SNED1: variants seen among roughly 807,000 people sequenced by gnomAD.
SNED1 encodes sushi, nidogen and EGF like domains 1, also known as sushi, nidogen and EGF-like domain-containing protein 1.
SNED1 carries 81 observed loss-of-function variants against 166.7 expected under a neutral mutation model. That is an observed-to-expected ratio of 0.49 (90% CI 0.41 to 0.58). The LOEUF (loss-of-function observed/expected upper bound fraction) is 0.58, where lower values mean the gene tolerates loss of function less well. Ranked by LOEUF, SNED1 falls within the 20% of genes least tolerant of loss-of-function variation. The pLI is 0.00. For missense variants in SNED1, 1,604 were observed against 2,000.2 expected (o/e 0.80, Z 3.78); for synonymous variants, 762 against 822.0 (o/e 0.93, Z 1.25).
chr2:241,037,712 C>T (rs932256794), intron 6 of SNED1, among the ~76,000 whole-genome samples: 1 of 152,230 alleles, frequency 6.6e-6, no homozygotes, highest in African/African-American at 2.4e-5. Flanking sequence ...CCGTCAGACC[C>T]CCTCTCAGCC....
chr2:241,049,707 T>A, intron 11 of SNED1, 110 bp from the exon 12 acceptor site: 1 of 757,156 alleles, frequency 1.3e-6, no homozygotes, highest in Non-Finnish European at 2.3e-6. Context: ...TGGCCTTGGT[T>A]CCAGACAGGA....
intron 8 of SNED1, among the ~76,000 whole-genome samples, chr2:241,042,942 G>A (rs1273095481): frequency 3.3e-5 from 5 of 151,946 alleles, no homozygotes; most frequent in African/African-American, 4.8e-5. Context: ...AGCAGCCTGG[G>A]ATCCACGTAT....
chr2:241,011,262 G>T (rs866661584), intron 1 of SNED1, among the ~76,000 whole-genome samples: 5 of 146,722 alleles, frequency 3.4e-5, no homozygotes, highest in Non-Finnish European at 6.0e-5. Context: ...TCCTGGGGGT[G>T]GCAGGTCTCC....
chr2:241,031,041 C>T (rs1277553485), intron 2 of SNED1, among the ~76,000 whole-genome samples: 1 of 152,228 alleles, frequency 6.6e-6, no homozygotes, highest in African/African-American at 2.4e-5. Flanking sequence ...TACTCAGCAC[C>T]TACTGTGGCC....
chr2:241,062,796 G>A lies in SNED1; in HGVS notation c.2263G>A (p.Asp755Asn), dbSNP rs1406798929. Residue 755 changes from aspartate (D) to asparagine (N), a missense_variant, in exon 17 of 32, where the codon GAT becomes AAT. Physicochemically the swap from Asp to Asn is conservative, Grantham distance 23. Around this residue, in one of 2 missense-constraint regions of SNED1, gnomAD observed 1,237 missense variants for 1,620.8 expected, o/e 0.76. Coordinates refer to ENST00000310397, the MANE Select transcript of SNED1 (RefSeq NM_001080437.3). Reference sequence around the variant, plus strand: ...CTTGGGCTCTCTCCTCTCAGAAATCGATGAGTGCCGGTCTCAGCCGTGCCT... The same window carrying A: ...CTTGGGCTCTCTCCTCTCAGAAATCAATGAGTGCCGGTCTCAGCCGTGCCT... Reference protein sequence around the residue: ...WSEPPQCLEIDECRSQPCLHG... With the variant: ...WSEPPQCLEINECRSQPCLHG... 1.2e-6 allele frequency: 2 copies of A among 1,607,930 alleles called. No homozygotes were observed. Among genetic ancestry groups the A allele is most frequent in the Non-Finnish European group, 1.7e-6 (2 of 1,176,860 alleles).
intron 1 of SNED1, among the ~76,000 whole-genome samples, chr2:241,021,782 T>G (rs1187972134): frequency 6.6e-6 from 1 of 152,238 alleles, no homozygotes; most frequent in African/African-American, 2.4e-5. Context: ...CTTGAGTATA[T>G]ATGGTAGTAT....
intron 1 of SNED1, among the ~76,000 whole-genome samples, chr2:241,028,668 C>G (rs2061060823): frequency 6.6e-6 from 1 of 152,216 alleles, no homozygotes; most frequent in Non-Finnish European, 1.5e-5. Context: ...GCCAGTACCA[C>G]ACTGATTACT....
intron 1 of SNED1, among the ~76,000 whole-genome samples, chr2:241,007,410 C>G (rs1191909555): frequency 1.3e-5 from 2 of 152,218 alleles, no homozygotes; most frequent in Non-Finnish European, 2.9e-5. Flanking sequence ...CTTGATTGCA[C>G]CCTTGCTCTG....
In SNED1 at chr2:241,048,308, C is replaced by G; in HGVS notation, c.1274-7C>G. The G allele has an allele frequency of 6.3e-7, 1 of 1,592,526 alleles. No individual in the cohort carries two copies. The highest frequency in any genetic ancestry group is 8.5e-7 in the Non-Finnish European group (1 of 1,171,824). Reference sequence around the variant, plus strand: ...GTGGCCGCTGGTGACTGCCGTCTTTCTTGCAGGAGACCATCCAGTGCCAGA... The same window carrying G: ...GTGGCCGCTGGTGACTGCCGTCTTTGTTGCAGGAGACCATCCAGTGCCAGA... On this transcript the variant is annotated splice_region_variant and splice_polypyrimidine_tract_variant and intron_variant, in intron 8 of 31. Transcript: ENST00000310397.
chr2:241,012,825 C>CTT (rs59199140), intron 1 of SNED1, among the ~76,000 whole-genome samples: 4 of 134,876 alleles, frequency 3.0e-5, no homozygotes, highest in Admixed American at 7.2e-5. Context: ...TTTTTTTTTT[C>CTT]TTTTTTTTTT....
chr2:241,016,284 A>G (rs4530362), intron 1 of SNED1, among the ~76,000 whole-genome samples: 2 of 145,380 alleles, frequency 1.4e-5, no homozygotes, highest in African/African-American at 5.2e-5. Flanking sequence ...AAGCTCCACC[A>G]CCCGGGGTTC....
At position 241,018,309 on chromosome 2, in the gene SNED1, A is replaced by G. The variant is rs900803127; in HGVS notation, c.214-11975A>G. Among the ~76,000 whole-genome samples, 1 of 152,224 alleles carries G rather than the reference A, an allele frequency of 6.6e-6. No homozygotes were observed. The highest frequency in any genetic ancestry group is 6.5e-5 in the Admixed American group (1 of 15,284). On this transcript the variant is annotated intron_variant, in intron 1 of 31. Transcript: ENST00000310397. This position sits in a 1 kb window ranked among gnomAD's most constrained non-coding sequence, Gnocchi z 5.4. Reference sequence around the variant, plus strand: ...AGGTTGTGCCCACACATGCACTTACATGGGGGCACGTTTGGGTGCAGATAC... The same window carrying G: ...AGGTTGTGCCCACACATGCACTTACGTGGGGGCACGTTTGGGTGCAGATAC...
At chr2:241,033,555 G>C (rs981622129) in intron 2 of SNED1, 180 bp from the exon 3 acceptor site, 2 of 637,576 alleles carry the variant, frequency 3.1e-6, no homozygotes, top group South Asian at 2.1e-5. Flanking sequence ...GGCGCTGGGA[G>C]ACAGCAGAGG....
chr2:241,033,824 A>G lies in SNED1; in HGVS notation c.591A>G (p.Thr197=), dbSNP rs2125004033. 6.2e-7 allele frequency: 1 copy of G among 1,610,222 alleles called. No individual in the cohort carries two copies. Among genetic ancestry groups the G allele is most frequent in the Non-Finnish European group, 8.5e-7 (1 of 1,178,870 alleles). The part of the protein sequence containing the change: ...NYESIVWTTG[T]HASSGGNATG... ...AGTCCATCGTGTGGACCACAGGCAC[A>G]CACGCCAGCAGCGGGGGCAACGCCA... Residue 197 remains threonine, a synonymous_variant, in exon 3 of 32, where the codon ACA becomes ACG. Transcript: ENST00000310397.
intron 1 of SNED1, among the ~76,000 whole-genome samples, chr2:241,004,523 C>T (rs1260771445): frequency 7.1e-6 from 1 of 141,746 alleles, no homozygotes; most frequent in Non-Finnish European, 1.6e-5. Context: ...ACCTACACCT[C>T]TGATTTTATT....
At chr2:241,006,295 C>T (rs2060220015) in intron 1 of SNED1, among the ~76,000 whole-genome samples, 1 of 152,114 alleles carries the variant, frequency 6.6e-6, no homozygotes, top group South Asian at 2.1e-4. Flanking sequence ...CCTTTTCTAT[C>T]CTAGCATATT....
In SNED1 at chr2:241,036,810, C is replaced by T. The variant is rs1463209568; in HGVS notation, c.826C>T (p.Arg276Cys). The T allele has an allele frequency of 3.1e-6, 5 of 1,609,532 alleles. No homozygotes were observed. The highest frequency in any genetic ancestry group is 2.5e-6 in the Non-Finnish European group (3 of 1,179,662). The change falls in exon 5 of 32, where the codon CGC (arginine) becomes TGC (cysteine). Residue 276 changes from arginine (R) to cysteine (C), a missense_variant. Coordinates refer to ENST00000310397, the MANE Select transcript of SNED1 (RefSeq NM_001080437.3). Reference sequence around the variant, plus strand: ...TGCAGCGTCCGTGTGCCTGGCCCTGCGCCCCTGCCTCAACGGCGGCAAGTG... The same window carrying T: ...TGCAGCGTCCGTGTGCCTGGCCCTGTGCCCCTGCCTCAACGGCGGCAAGTG... ...GHTTSVCLAL[R>C]PCLNGGKCID... is the part of the protein sequence containing the mutation.
In SNED1 at chr2:241,030,426, G is replaced by A. The variant is rs372003774; in HGVS notation, c.356G>A (p.Arg119Gln). Residue 119 changes from arginine to glutamine, a missense_variant, in exon 2 of 32, where the codon CGG becomes CAG. By Grantham distance (43) the Arg-to-Gln change is conservative (BLOSUM62 1). This residue lies in a region of SNED1 where 1,237 missense variants were observed against 1,620.8 expected (regional missense o/e 0.76). Transcript: ENST00000310397. ...CGGCGTGCAGGCGACGTGTACTACC[G>A]GGAGGCCACCGACCCAGCCATGCTG... Reference protein sequence around the residue: ...DNRRAGDVYYREATDPAMLRR... With the variant: ...DNRRAGDVYYQEATDPAMLRR... The A allele has an allele frequency of 7.4e-6, 12 of 1,613,308 alleles. No homozygotes were observed. Among genetic ancestry groups the A allele is most frequent in the African/African-American group, 2.7e-5 (2 of 74,938 alleles).
Position 241,040,084 on chromosome 2 carries a change from C to T in SNED1, c.1055C>T (p.Pro352Leu). 6.3e-7 allele frequency: 1 copy of T among 1,582,584 alleles called. No homozygotes were observed. Among genetic ancestry groups the T allele is most frequent in the Non-Finnish European group, 8.6e-7 (1 of 1,163,948 alleles). Residue 352 changes from proline (P) to leucine (L), a missense_variant, in exon 7 of 32, where the codon CCC becomes CTC. Around this residue, in one of 2 missense-constraint regions of SNED1, gnomAD observed 1,237 missense variants for 1,620.8 expected, o/e 0.76. Transcript: ENST00000310397. The part of the protein sequence containing the change: ...GGPTCETAQS[P>L]CDTKECQHGG... ...CACCTCCTCACTCTAGCCCAATCCC[C>T]CTGTGACACCAAAGAGTGTCAACAT...
Sources: gnomAD v4.1 joint callset for allele counts (sites outside exome capture counted in the v4.1 genomes callset) on GRCh38, gnomAD v4.1.1 for gene constraint, gnomAD v4.1.1 regional missense constraint, Gnocchi (gnomAD v3.1) non-coding constraint, MANE v1.5 for transcripts, NCBI Gene and HGNC (gene_info 2026-07-23, HGNC 2026-07-21) for gene names.